The following DDX17 variants were observed in gnomAD, a reference collection of about 807,000 sequenced individuals.
DDX17 encodes DEAD-box helicase 17, also known as probable ATP-dependent RNA helicase DDX17.
In DDX17, 10 loss-of-function variants were observed where a neutral mutation model predicts 80.8. The ratio of observed to expected loss-of-function variants is 0.12; its 90% CI spans 0.08 to 0.21. The LOEUF (loss-of-function observed/expected upper bound fraction) is 0.21, where lower values mean the gene tolerates loss of function less well. Ranked by LOEUF, DDX17 falls within the 10% of genes least tolerant of loss-of-function variation. The pLI, the probability that DDX17 is intolerant of heterozygous loss-of-function variation, is 1.00. For synonymous variants in DDX17, 339 were observed against 336.2 expected (o/e 1.01, Z -0.09); for missense variants, 586 against 957.4 (o/e 0.61, Z 5.12).
chr22:38,485,694 ATTTTTTT>A lies in DDX17; in HGVS notation c.*234_*240del. 6.8e-6 allele frequency: 1 copy of A among 146,654 alleles called. No homozygotes were observed. The highest frequency in any genetic ancestry group is 1.4e-5 in the Non-Finnish European group (1 of 69,946). 9.1% of individuals were successfully genotyped at this position (146,654 alleles called of 1,614,324 possible). A position where few individuals can be genotyped will look rare whatever the true frequency, so the allele number is the denominator to read the frequency against. ...CAGTCAGCTATATATATATATATAT[ATTTTTTT>A]TTTTTTTACAAAATGTTATTCCAGA... On this transcript the variant is annotated 3_prime_UTR_variant, in exon 13 of 13. Coordinates refer to ENST00000403230, the MANE Select transcript of DDX17 (RefSeq NM_006386.5).
chr22:38,487,274 C>T (rs2089669783), intron 12 of DDX17, among the ~76,000 whole-genome samples: 1 of 151,516 alleles, frequency 6.6e-6, no homozygotes, highest in South Asian at 2.1e-4. Flanking sequence ...ACAGGTGGAT[C>T]ACCAGAGGTC....
chr22:38,506,199 C>T lies in DDX17; in HGVS notation c.39G>A (p.Leu13=), dbSNP rs1199668824. ...CCGCCTCTCTCGTCGGAGACGGGAG[C>T]AAAACACAGAGAATCGGGGCTACAA... The change falls in exon 1 of 13, where the codon TTG becomes TTA. Residue 13 remains leucine (L), a synonymous_variant. Coordinates refer to ENST00000403230, the MANE Select transcript of DDX17 (RefSeq NM_006386.5). 6.2e-7 allele frequency: 1 copy of T among 1,606,732 alleles called. No homozygotes were observed. Among genetic ancestry groups the T allele is most frequent in the Non-Finnish European group, 8.5e-7 (1 of 1,177,226 alleles).
intron 11 of DDX17, 166 bp downstream of exon 11, chr22:38,491,890 G>A (rs978013242): frequency 8.5e-6 from 4 of 467,894 alleles, no homozygotes; most frequent in Non-Finnish European, 1.5e-5. Context: ...AAAATTGTGG[G>A]GGGGGCAGGG....
At position 38,495,044 on chromosome 22, in the gene DDX17, C is replaced by A; in HGVS notation, c.883G>T (p.Val295Phe). 6.2e-7 allele frequency: 1 copy of A among 1,612,488 alleles called. No homozygotes were observed. The highest frequency in any genetic ancestry group is 8.5e-7 in the Non-Finnish European group (1 of 1,179,422). Reference sequence around the variant, plus strand: ...CCAGGAGTGGCTATGCAGATCTCAACACCTGTAAAACAAAACCAATGATCG... The same window carrying A: ...CCAGGAGTGGCTATGCAGATCTCAAAACCTGTAAAACAAAACCAATGATCG... Residue 295 changes from valine (V) to phenylalanine (F), a missense_variant and splice_region_variant, in exon 7 of 13, where the codon GTT becomes TTT. By Grantham distance (50) the Val-to-Phe change is conservative. Transcript: ENST00000403230.
intron 1 of DDX17, among the ~76,000 whole-genome samples, chr22:38,504,525 A>G (rs565762168): frequency 1.5e-4 from 23 of 152,342 alleles, no homozygotes; most frequent in Admixed American, 1.4e-3. Flanking sequence ...CAATGAACTG[A>G]AATTCACTTC....
chr22:38,498,182 G>A (rs368451877), intron 4 of DDX17, 32 bp from the exon 5 acceptor site: 9 of 1,602,836 alleles, frequency 5.6e-6, no homozygotes, highest in Admixed American at 1.7e-5. Context: ...ACAACCTTAC[G>A]CTTAGAAGTA....
intron 10 of DDX17, 139 bp downstream of exon 10, chr22:38,493,571 A>G (rs2089733318): frequency 1.5e-6 from 1 of 669,888 alleles, no homozygotes; most frequent in Non-Finnish European, 2.7e-6. Context: ...AACAGAGACC[A>G]CCATTTGGTT....
In DDX17 at chr22:38,506,283, C is replaced by T. The variant is rs1186711265; in HGVS notation, c.-46G>A. The T allele has an allele frequency of 2.0e-6, 3 of 1,523,008 alleles. No individual in the cohort carries two copies. The highest frequency in any genetic ancestry group is 1.2e-5 in the South Asian group (1 of 80,304). The allele number at this position is 1,523,008 out of a possible 1,614,324, so 94.3% of individuals were successfully genotyped here. A position where few individuals can be genotyped will look rare whatever the true frequency, so the allele number is the denominator to read the frequency against. ...GGCAGTGCCGCGGTTTAGGCGTCTC[C>T]TTCCTTCCCAGCGACTGCACAAAAT... On this transcript the variant is annotated 5_prime_UTR_variant, in exon 1 of 13. Coordinates refer to ENST00000403230, the MANE Select transcript of DDX17 (RefSeq NM_006386.5).
At chr22:38,504,976 T>A (rs937774465) in intron 1 of DDX17, among the ~76,000 whole-genome samples, 1 of 152,192 alleles carries the variant, frequency 6.6e-6, no homozygotes, top group Non-Finnish European at 1.5e-5. Context: ...TGGCGCGATC[T>A]CGGCTCACTG....
Position 38,494,122 on chromosome 22 carries a change from T to C in DDX17, c.1224A>G (p.Gln408=), listed in dbSNP as rs1387562164. The change falls in exon 9 of 13, where the codon CAA becomes CAG. Residue 408 remains glutamine, a synonymous_variant. Transcript: ENST00000403230. ...TTTCAGCCATTATTTCTTCCATTAG[T>C]TGGATCAACCTGAAAACATGACCAA... 1 of 1,611,508 alleles carries C rather than the reference T, an allele frequency of 6.2e-7. No homozygotes were observed. Among genetic ancestry groups the C allele is most frequent in the Admixed American group, 1.7e-5 (1 of 59,972 alleles).
chr22:38,506,309 G>A lies in DDX17; in HGVS notation c.-72C>T. 1.4e-6 allele frequency: 2 copies of A among 1,469,834 alleles called. No homozygotes were observed. The highest frequency in any genetic ancestry group is 1.8e-6 in the Non-Finnish European group (2 of 1,109,752). 91.0% of individuals were successfully genotyped at this position (1,469,834 alleles called of 1,614,324 possible). A position where few individuals can be genotyped will look rare whatever the true frequency, so the allele number is the denominator to read the frequency against. ...TTCCTTCCCAGCGACTGCACAAAAT[G>A]GCGGCCGCCGCTGAGTCGGCTCCAA... On this transcript the variant is annotated 5_prime_UTR_variant, in exon 1 of 13. Coordinates refer to ENST00000403230, the MANE Select transcript of DDX17 (RefSeq NM_006386.5).
chr22:38,492,946 C>T (rs1451598458), intron 10 of DDX17, among the ~76,000 whole-genome samples: 4 of 151,974 alleles, frequency 2.6e-5, no homozygotes, highest in African/African-American at 7.3e-5. Context: ...TCTCCCCAAA[C>T]GGTAGTTATA....
Position 38,491,972 on chromosome 22 carries a change from A to G in DDX17, c.1447+84T>C, listed in dbSNP as rs368490012. The G allele has an allele frequency of 1.4e-4, 136 of 1,003,388 alleles. 1 individual carries two copies. In the African/African-American group the frequency reaches 2.1e-3, roughly 15 times the overall value. 62.2% of individuals were successfully genotyped at this position (1,003,388 alleles called of 1,614,324 possible). A position where few individuals can be genotyped will look rare whatever the true frequency, so the allele number is the denominator to read the frequency against. On this transcript the variant is annotated intron_variant, in intron 11 of 12. Transcript: ENST00000403230. ...TAACCACATGTATATACAACTTTCT[A>G]AACTTGAAGTCTGAATTTGAAATGA...
intron 11 of DDX17, chr22:38,490,613 A>G: frequency 2.2e-6 from 1 of 450,658 alleles, no homozygotes; most frequent in South Asian, 2.2e-5. Flanking sequence ...TTAAGAGACC[A>G]TCGCTTGACA....
At position 38,494,961 on chromosome 22, in the gene DDX17, A is replaced by G. The variant is rs925325017; in HGVS notation, c.966T>C (p.Leu322=). Residue 322 remains leucine, a synonymous_variant, in exon 7 of 13, where the codon CTT becomes CTC. Coordinates refer to ENST00000403230, the MANE Select transcript of DDX17 (RefSeq NM_006386.5). The stretch of plus-strand genomic sequence containing the variant: ...GCATTCTGTCAGCTTCGTCCAATAC[A>G]AGGTAAGTACATCGGCGAAGATTTG... 1 of 1,614,082 alleles carries G rather than the reference A, an allele frequency of 6.2e-7. No homozygotes were observed. Among genetic ancestry groups the G allele is most frequent in the Non-Finnish European group, 8.5e-7 (1 of 1,180,030 alleles).
intron 6 of DDX17, among the ~76,000 whole-genome samples, chr22:38,495,269 G>A (rs1406616306): frequency 3.1e-5 from 4 of 127,536 alleles, no homozygotes; most frequent in African/African-American, 1.2e-4. Flanking sequence ...TTTTTGAGAT[G>A]GAGTCTTGCT....
chr22:38,494,518 C>T, intron 8 of DDX17, 112 bp downstream of exon 8: 1 of 943,704 alleles, frequency 1.1e-6, no homozygotes, highest in South Asian at 1.7e-5. Flanking sequence ...CCTAGCAATG[C>T]TTTTAATGTT....
At chr22:38,492,578 C>G (rs1189977962) in intron 10 of DDX17, among the ~76,000 whole-genome samples, 1 of 152,200 alleles carries the variant, frequency 6.6e-6, no homozygotes, top group Non-Finnish European at 1.5e-5. Context: ...CCTCCACCTC[C>G]CGGGTTCAAG....
intron 11 of DDX17, chr22:38,488,599 A>G: frequency 1.0e-6 from 1 of 989,160 alleles, no homozygotes; most frequent in Non-Finnish European, 1.2e-6. Flanking sequence ...TCACAGAGCA[A>G]AGTAAAAAAA....
Sources: gnomAD v4.1 joint callset for allele counts (sites outside exome capture counted in the v4.1 genomes callset) on GRCh38, gnomAD v4.1.1 for gene constraint, MANE v1.5 for transcripts, NCBI Gene and HGNC (gene_info 2026-07-23, HGNC 2026-07-21) for gene names.